Variants in ZRANB3 observed in about 807,000 individuals in gnomAD.
The protein encoded by ZRANB3 is zinc finger RANBP2-type containing 3.
A neutral mutation model predicts 133.8 loss-of-function variants in ZRANB3; 125 were observed. The observed-to-expected ratio is 0.93, with a 90% confidence interval of 0.81 to 1.08. The LOEUF (loss-of-function observed/expected upper bound fraction) is 1.08. ZRANB3 is among the 50% of genes least tolerant of loss of function. The probability of loss-of-function intolerance (pLI) is 0.00; values close to 1 mark genes in which losing one functional copy is unlikely to be tolerated. For synonymous variants in ZRANB3, 387 were observed against 432.7 expected, an observed-to-expected ratio of 0.89 and a Z score of 1.31; for missense variants, 1,229 against 1,275.5, an observed-to-expected ratio of 0.96 and a Z score of 0.56.
intron 19 of ZRANB3, among the ~76,000 whole-genome samples, chr2:135,204,723 ATAT>A (rs1481107825): frequency 4.8e-5 from 7 of 146,228 alleles, no homozygotes; most frequent in Admixed American, 1.4e-4. Context: ...GTTTTATTAT[ATAT>A]TATTATAAAT....
chr2:135,322,188 T>C (rs1166587626), intron 6 of ZRANB3, among the ~76,000 whole-genome samples: 1 of 152,208 alleles, frequency 6.6e-6, no homozygotes, highest in Non-Finnish European at 1.5e-5. Context: ...ATCACATATA[T>C]GGGTCTATTT....
intron 14 of ZRANB3, among the ~76,000 whole-genome samples, chr2:135,226,482 C>A (rs997300965): frequency 1.3e-5 from 2 of 152,150 alleles, no homozygotes; most frequent in Non-Finnish European, 2.9e-5. Context: ...GCCCAGTGAT[C>A]TGAAAAGTCA....
At chr2:135,471,904 T>G (rs1223406958) in intron 2 of ZRANB3, among the ~76,000 whole-genome samples, 1 of 152,180 alleles carries the variant, frequency 6.6e-6, no homozygotes. Context: ...TATTCTGACA[T>G]TTTCCATTGA....
intron 2 of ZRANB3, 123 bp downstream of exon 2, chr2:135,504,206 G>T (rs748814738): frequency 1.6e-5 from 18 of 1,113,768 alleles, no homozygotes; most frequent in Non-Finnish European, 2.3e-5. Context: ...AAGCTAACTT[G>T]GTCACAATCA....
chr2:135,312,133 A>ATTATTTTATTTTATTTTATTTTATTT (rs1683013806), intron 8 of ZRANB3, among the ~76,000 whole-genome samples: 1 of 98,388 alleles, frequency 1.0e-5, no homozygotes, highest in Non-Finnish European at 1.8e-5. Context: ...ATTTTATTTT[A>ATTATTTTATTTTATTTTATTTTATTT]TTATTTTATT....
At chr2:135,288,234 T>C (rs1681486147) in intron 8 of ZRANB3, among the ~76,000 whole-genome samples, 2 of 152,196 alleles carry the variant, frequency 1.3e-5, no homozygotes, top group African/African-American at 2.4e-5. Context: ...GTGTATCACA[T>C]TTATTGGCTT....
chr2:135,307,642 G>C (rs1682767216), intron 8 of ZRANB3, among the ~76,000 whole-genome samples: 1 of 152,016 alleles, frequency 6.6e-6, no homozygotes, highest in South Asian at 2.1e-4. Context: ...TTTTTTAAAT[G>C]TCTTTTTTGT....
At chr2:135,400,883 A>G (rs1017227610) in intron 2 of ZRANB3, among the ~76,000 whole-genome samples, 4 of 152,226 alleles carry the variant, frequency 2.6e-5, no homozygotes, top group African/African-American at 9.6e-5. Flanking sequence ...GCCTACGGAC[A>G]GTAATTTACA....
At chr2:135,233,137 G>C (rs895453777) in intron 12 of ZRANB3, among the ~76,000 whole-genome samples, 1 of 152,220 alleles carries the variant, frequency 6.6e-6, no homozygotes, top group Non-Finnish European at 1.5e-5. Flanking sequence ...CGAGAGCTAT[G>C]TGATGAATGC....
At position 135,315,363 on chromosome 2, in the gene ZRANB3, G is replaced by T; in HGVS notation, c.845C>A (p.Ala282Asp). ...RIPFDLPSAAAKELNTSFEEW... is the reference protein window; with the variant it reads ...RIPFDLPSAADKELNTSFEEW... ...AAATCAAGCAACGGTTCTCACCTTG[G>T]CAGCTGCTGATGGAAGATCAAATGG... Residue 282 changes from alanine (A) to aspartate (D), a missense_variant, in exon 7 of 21, where the codon GCC becomes GAC. Coordinates refer to ENST00000264159, the MANE Select transcript of ZRANB3 (RefSeq NM_032143.4). 1 of 1,558,376 alleles carries T rather than the reference G, an allele frequency of 6.4e-7. No homozygotes were observed. Among genetic ancestry groups the T allele is most frequent in the Non-Finnish European group, 8.6e-7 (1 of 1,158,154 alleles).
At chr2:135,480,046 G>A (rs1263424818) in intron 2 of ZRANB3, among the ~76,000 whole-genome samples, 1 of 151,488 alleles carries the variant, frequency 6.6e-6, no homozygotes, top group Non-Finnish European at 1.5e-5. Flanking sequence ...CCATTCTCCT[G>A]GCTCAGCCTC....
chr2:135,518,537 G>A (rs376748497), intron 1 of ZRANB3, among the ~76,000 whole-genome samples: 13 of 152,256 alleles, frequency 8.5e-5, no homozygotes, highest in South Asian at 4.1e-4. Flanking sequence ...TGCACTTCCC[G>A]GATGAGGAAA....
At chr2:135,262,478 T>C (rs2105108694) in intron 12 of ZRANB3, among the ~76,000 whole-genome samples, 1 of 152,262 alleles carries the variant, frequency 6.6e-6, no homozygotes, top group Admixed American at 6.5e-5. Flanking sequence ...GACACCATAT[T>C]ACCTCAAAAA....
chr2:135,482,324 T>A (rs1406414538), intron 2 of ZRANB3, among the ~76,000 whole-genome samples: 8 of 136,064 alleles, frequency 5.9e-5, no homozygotes. Context: ...CTTGAAGAGG[T>A]CCTTCACATC....
intron 8 of ZRANB3, among the ~76,000 whole-genome samples, chr2:135,293,385 G>C (rs1681864805): frequency 6.6e-6 from 1 of 151,898 alleles, no homozygotes; most frequent in African/African-American, 2.4e-5. Flanking sequence ...CTCATGATTT[G>C]GCTCTCTGTT....
intron 2 of ZRANB3, among the ~76,000 whole-genome samples, chr2:135,399,749 T>C (rs13405114): frequency 0.032 from 4,840 of 152,302 alleles, 249 homozygotes; most frequent in African/African-American, 0.11. Context: ...TAACATGCTT[T>C]TGAATGAGAA....
intron 8 of ZRANB3, among the ~76,000 whole-genome samples, chr2:135,301,919 T>G (rs1016060780): frequency 6.6e-6 from 1 of 152,200 alleles, no homozygotes; most frequent in Non-Finnish European, 1.5e-5. Context: ...TGCCACATAG[T>G]AGGCAATCAA....
chr2:135,316,189 T>C (rs1683244184), intron 6 of ZRANB3, among the ~76,000 whole-genome samples: 2 of 152,164 alleles, frequency 1.3e-5, no homozygotes. Context: ...GATAGAAAAG[T>C]GGTAACTGAC....
chr2:135,251,629 T>G (rs1414620436), intron 12 of ZRANB3, among the ~76,000 whole-genome samples: 2 of 152,200 alleles, frequency 1.3e-5, no homozygotes, highest in Non-Finnish European at 2.9e-5. Context: ...TATCAGGGGT[T>G]TCCTCTTTTG....
Sources: gnomAD v4.1 joint callset for allele counts (sites outside exome capture counted in the v4.1 genomes callset) on GRCh38, gnomAD v4.1.1 for gene constraint, MANE v1.5 for transcripts, NCBI Gene and HGNC (gene_info 2026-07-23, HGNC 2026-07-21) for gene names.